The following YTHDC2 variants were observed in gnomAD, a reference collection of about 807,000 sequenced individuals.
YTHDC2 encodes the protein 3'-5' RNA helicase YTHDC2.
In YTHDC2, 45 loss-of-function variants were observed where a neutral mutation model predicts 174.9. The ratio of observed to expected loss-of-function variants is 0.26; its 90% CI spans 0.20 to 0.33. The LOEUF (loss-of-function observed/expected upper bound fraction) is 0.33, where lower values mean the gene tolerates loss of function less well. Ranked by LOEUF, YTHDC2 falls within the 10% of genes least tolerant of loss-of-function variation. YTHDC2 has a pLI of 1.00. For synonymous variants in YTHDC2, 657 were observed against 574.5 expected (o/e 1.14, Z -2.05); for missense variants, 1,650 against 1,723.7 (o/e 0.96, Z 0.76).
chr5:113,568,211 T>A (rs933292946), intron 23 of YTHDC2, among the ~76,000 whole-genome samples: 2 of 152,222 alleles, frequency 1.3e-5, no homozygotes, highest in African/African-American at 4.8e-5. Flanking sequence ...TTATATTTTT[T>A]CTACATGTTT....
At chr5:113,534,714 G>A (rs750995212) in intron 6 of YTHDC2, among the ~76,000 whole-genome samples, 1 of 151,796 alleles carries the variant, frequency 6.6e-6, no homozygotes, top group Non-Finnish European at 1.5e-5. Flanking sequence ...TGCACTTAGA[G>A]TTCTCAAAAA....
chr5:113,558,813 T>G (rs1776772509), intron 17 of YTHDC2, among the ~76,000 whole-genome samples: 2 of 151,034 alleles, frequency 1.3e-5, no homozygotes, highest in Non-Finnish European at 2.9e-5. Context: ...TCCCAGCTAC[T>G]CAGGAGGCTG....
At position 113,553,689 on chromosome 5, in the gene YTHDC2, A is replaced by G. The variant is rs1776416904; in HGVS notation, c.1964+3A>G. The G allele has an allele frequency of 2.5e-6, 4 of 1,613,432 alleles. No individual in the cohort carries two copies. In the East Asian group the frequency reaches 8.9e-5, roughly 36 times the overall value. On this transcript the variant is annotated splice_donor_region_variant and intron_variant, in intron 14 of 29. Transcript: ENST00000161863. ...CGGTTTGCTGACAGTACACATAGGT[A>G]AGGGCTAAAGCCTTATATCTGTTGC... is the stretch of plus-strand genomic sequence containing the variant.
chr5:113,537,352 G>A (rs78101374), intron 7 of YTHDC2, among the ~76,000 whole-genome samples: 4,984 of 138,946 alleles, frequency 0.036, 119 homozygotes, highest in Middle Eastern at 0.13. Flanking sequence ...TTTATGGTTG[G>A]CTCTCTCTCT....
chr5:113,570,817 A>AT (rs146446605), intron 23 of YTHDC2, among the ~76,000 whole-genome samples: 4 of 151,350 alleles, frequency 2.6e-5, no homozygotes, highest in Non-Finnish European at 5.9e-5. Flanking sequence ...TACTCCACTA[A>AT]TTTTTTTTGT....
chr5:113,554,205 C>A (rs1353566103), intron 16 of YTHDC2, among the ~76,000 whole-genome samples, 183 bp downstream of exon 16: 1 of 151,984 alleles, frequency 6.6e-6, no homozygotes, highest in African/African-American at 2.4e-5. Flanking sequence ...ATAAATTTAA[C>A]ATACTAAATA....
At chr5:113,535,476 C>CG (rs1002685421) in intron 6 of YTHDC2, among the ~76,000 whole-genome samples, 166 bp from the exon 7 acceptor site, 7 of 152,126 alleles carry the variant, frequency 4.6e-5, no homozygotes, top group Non-Finnish European at 8.8e-5. Context: ...TTGTTAATGT[C>CG]TAATTATTTC....
intron 13 of YTHDC2, 31 bp downstream of exon 13, chr5:113,553,390 C>A (rs1288210528): frequency 1.3e-6 from 2 of 1,562,082 alleles, no homozygotes; most frequent in Non-Finnish European, 1.7e-6. Flanking sequence ...AGAACTGGAG[C>A]AAAATATATA....
At chr5:113,523,374 G>A (rs1774005151) in intron 2 of YTHDC2, among the ~76,000 whole-genome samples, 1 of 152,060 alleles carries the variant, frequency 6.6e-6, no homozygotes, top group Admixed American at 6.5e-5. Context: ...TTGCTCTGGT[G>A]CTCAGTTCAG....
chr5:113,581,779 C>A, intron 25 of YTHDC2, 70 bp downstream of exon 25: 1 of 1,253,234 alleles, frequency 8.0e-7, no homozygotes, highest in South Asian at 2.2e-5. Flanking sequence ...ATCTTAGAAT[C>A]ATGTGCTTTT....
chr5:113,552,767 C>A (rs1238439913), intron 12 of YTHDC2, among the ~76,000 whole-genome samples: 1 of 152,114 alleles, frequency 6.6e-6, no homozygotes, highest in Non-Finnish European at 1.5e-5. Flanking sequence ...TACCATTTTA[C>A]ATTTCCACCA....
Position 113,548,656 on chromosome 5 carries a change from A to G in YTHDC2, c.1611A>G (p.Ala537=), listed in dbSNP as rs1296653528. Residue 537 remains alanine, a synonymous_variant, in exon 11 of 30, where the codon GCA becomes GCG. Transcript: ENST00000161863. ...TGGGAGCCAATGTCCATAGTAAAGC[A>G]TCAAATGGCTGGTAATTTTAAACTA... The part of the protein sequence containing the change: ...ISMGANVHSK[A]SNGWMALDWA... 1 of 1,606,980 alleles carries G rather than the reference A, an allele frequency of 6.2e-7. No individual in the cohort carries two copies. Among genetic ancestry groups the G allele is most frequent in the East Asian group, 2.2e-5 (1 of 44,744 alleles).
chr5:113,556,688 A>G (rs2112686701), intron 17 of YTHDC2, among the ~76,000 whole-genome samples: 1 of 152,278 alleles, frequency 6.6e-6, no homozygotes, highest in East Asian at 1.9e-4. Context: ...AGTCTTTCAT[A>G]TTTTACTGAT....
intron 18 of YTHDC2, 103 bp from the exon 19 acceptor site, chr5:113,563,270 C>G: frequency 1.0e-6 from 1 of 955,088 alleles, no homozygotes; most frequent in South Asian, 2.2e-5. Context: ...ATCAGAGACT[C>G]TACTAGTCTG....
intron 23 of YTHDC2, among the ~76,000 whole-genome samples, chr5:113,574,674 T>C (rs565029928): frequency 2.0e-5 from 3 of 152,306 alleles, no homozygotes; most frequent in African/African-American, 7.2e-5. Context: ...TAGGTCATAA[T>C]TGGTGAGGTG....
chr5:113,552,819 A>G (rs1224026098), intron 12 of YTHDC2, among the ~76,000 whole-genome samples: 1 of 152,008 alleles, frequency 6.6e-6, no homozygotes, highest in African/African-American at 2.4e-5. Context: ...CCTCTCCAAC[A>G]CTTGTTATTG....
chr5:113,572,778 C>T (rs1777814447), intron 23 of YTHDC2, among the ~76,000 whole-genome samples: 2 of 152,184 alleles, frequency 1.3e-5, no homozygotes, highest in African/African-American at 4.8e-5. Flanking sequence ...AGGATTGCAA[C>T]CACTGCCTTT....
rs527324833 is a variant in YTHDC2, at chr5:113,578,151, A to T, written c.3245-1435A>T. Among the ~76,000 whole-genome samples, 440 of 152,150 alleles carry T rather than the reference A, an allele frequency of 2.9e-3. 3 individuals carry two copies. The highest frequency in any genetic ancestry group is 9.9e-3 in the African/African-American group (411 of 41,532). On this transcript the variant is annotated intron_variant, in intron 23 of 29. Coordinates refer to ENST00000161863, the MANE Select transcript of YTHDC2 (RefSeq NM_022828.5). ...AATTTTAATAAAAGTGTCCCTTTTA[A>T]ATAACGGAATAGTGTTTGTGTGTGT...
chr5:113,582,676 G>T (rs1465782215), intron 25 of YTHDC2: 1 of 152,012 alleles, frequency 6.6e-6, no homozygotes, highest in African/African-American at 2.4e-5. Context: ...AAACATAAAA[G>T]ATACGTAATG....
Sources: gnomAD v4.1 joint callset for allele counts (sites outside exome capture counted in the v4.1 genomes callset) on GRCh38, gnomAD v4.1.1 for gene constraint, MANE v1.5 for transcripts, NCBI Gene and HGNC (gene_info 2026-07-23, HGNC 2026-07-21) for gene names.